The following GOLGB1 variants were observed in gnomAD, a reference collection of about 807,000 sequenced individuals.
The protein encoded by GOLGB1 is golgin B1, also known as golgin subfamily B member 1.
In GOLGB1, 174 loss-of-function variants were observed where a neutral mutation model predicts 336.9. The ratio of observed to expected loss-of-function variants is 0.52; its 90% CI spans 0.46 to 0.59. The LOEUF is 0.59. Ranked by LOEUF, GOLGB1 falls within the 20% of genes least tolerant of loss-of-function variation. GOLGB1 has a pLI of 0.00. For missense variants in GOLGB1, 3,331 were observed against 3,645.3 expected (o/e 0.91, Z 2.22); for synonymous variants, 1,208 against 1,289.2 (o/e 0.94, Z 1.35).
chr3:121,707,225 C>CAAAAAAAAAAAAAAAAAACAA (rs554313106), intron 10 of GOLGB1, among the ~76,000 whole-genome samples: 2 of 93,666 alleles, frequency 2.1e-5, no homozygotes, highest in East Asian at 2.9e-4. Context: ...GACTCCATCT[C>CAAAAAAAAAAAAAAAAAACAA]AAAAAAAAAA....
intron 14 of GOLGB1, among the ~76,000 whole-genome samples, chr3:121,682,246 G>A (rs193132927): frequency 6.6e-5 from 10 of 152,182 alleles, no homozygotes; most frequent in African/African-American, 1.9e-4. Flanking sequence ...CCTTGTTAGG[G>A]TTCTTAACTT....
At chr3:121,689,017 G>A (rs1942116456) in intron 14 of GOLGB1, among the ~76,000 whole-genome samples, 2 of 150,660 alleles carry the variant, frequency 1.3e-5, no homozygotes, top group Admixed American at 6.6e-5. Flanking sequence ...AGGGAGGTGG[G>A]GGGGTCAGCC....
intron 17 of GOLGB1, among the ~76,000 whole-genome samples, chr3:121,674,718 T>G (rs1940077580): frequency 6.6e-6 from 1 of 152,146 alleles, no homozygotes; most frequent in African/African-American, 2.4e-5. Flanking sequence ...GCTAAGCTCA[T>G]GAAGGAATAT....
At chr3:121,734,258 C>G (rs753319832) in intron 1 of GOLGB1, among the ~76,000 whole-genome samples, 1 of 151,874 alleles carries the variant, frequency 6.6e-6, no homozygotes, top group Non-Finnish European at 1.5e-5. Context: ...GGCATGATGG[C>G]GCATGCCTGT....
chr3:121,696,022 G>A lies in GOLGB1; in HGVS notation c.4501C>T (p.Leu1501=), dbSNP rs1419351308. The A allele has an allele frequency of 3.1e-6, 5 of 1,613,912 alleles. No individual in the cohort carries two copies. The highest frequency in any genetic ancestry group is 4.2e-6 in the Non-Finnish European group (5 of 1,180,002). Reference sequence around the variant, plus strand: ...TCTTGGAGACTTTTGTTTTCTTTTAGTGCTTCTTTTCGGGAAATAAGGGCA... The same window carrying A: ...TCTTGGAGACTTTTGTTTTCTTTTAATGCTTCTTTTCGGGAAATAAGGGCA... The part of the protein sequence containing the change: ...QAALISRKEA[L]KENKSLQEEL... Residue 1501 remains leucine, a synonymous_variant, in exon 13 of 22, where the codon CTA becomes TTA. Transcript: ENST00000614479.
intron 17 of GOLGB1, among the ~76,000 whole-genome samples, chr3:121,671,839 C>CT: frequency 6.6e-6 from 1 of 151,248 alleles, no homozygotes; most frequent in Non-Finnish European, 1.5e-5. Flanking sequence ...AATGCACTCT[C>CT]TATCTTCATG....
In GOLGB1 at chr3:121,695,715, A is replaced by G. The variant is rs1282255319; in HGVS notation, c.4808T>C (p.Ile1603Thr). 1.1e-5 allele frequency: 18 copies of G among 1,611,394 alleles called. No individual in the cohort carries two copies. The highest frequency in any genetic ancestry group is 2.2e-5 in the East Asian group (1 of 44,886). Residue 1603 changes from isoleucine (I) to threonine (T), a missense_variant, in exon 13 of 22, where the codon ATT becomes ACT. Physicochemically the swap from Ile to Thr is moderately conservative, Grantham distance 89 (BLOSUM62 -1). Transcript: ENST00000614479. ...CTCTTGCCACTCAGTACTTTCTGCA[A>G]TCTTAGAAGATTTCAAAGATTCAAT... is the stretch of plus-strand genomic sequence containing the variant. ...KEIESLKSSK[I>T]AESTEWQEKH...
At chr3:121,730,995 A>C in intron 1 of GOLGB1, 22 bp from the exon 2 acceptor site, 3 of 1,605,126 alleles carry the variant, frequency 1.9e-6, no homozygotes, top group Non-Finnish European at 2.5e-6. Flanking sequence ...GAAGGGGGGA[A>C]AAAACCTAAG....
In GOLGB1 at chr3:121,734,408, A is replaced by AC. The variant is rs1382488912; in HGVS notation, c.-2-3436_-2-3435insG. ...CTGTCTCGGGAAAAAAAAAAAAAAA[A>AC]AAACAAGTCATAGATTAGGAGAAAA... On this transcript the variant is annotated intron_variant, in intron 1 of 21. Transcript: ENST00000614479. 4.6e-5 allele frequency among the ~76,000 whole-genome samples: 7 copies of AC among 151,746 alleles called. No homozygotes were observed. In the East Asian group the frequency reaches 1.2e-3, roughly 25 times the overall value.
rs1409161991 is a variant in GOLGB1 at position 121,727,291 on chromosome 3, CACATATATATATATATATATAT to C, written c.403-272_403-251del. 5.5e-3 allele frequency among the ~76,000 whole-genome samples: 281 copies of C among 51,116 alleles called. 4 individuals carry two copies. Among genetic ancestry groups the C allele is most frequent in the Non-Finnish European group, 8.5e-3 (221 of 26,068 alleles). The allele number at this position is 51,116 out of a possible 152,430, so 33.5% of individuals were successfully genotyped here. On this transcript the variant is annotated intron_variant, in intron 4 of 21. Transcript: ENST00000614479. The stretch of plus-strand genomic sequence containing the variant: ...AAACTGTGAAATACATACACACACA[CACATATATATATATATATATAT>C]ATATATATTTTTTTTTTTTTTTTTT...
intron 10 of GOLGB1, among the ~76,000 whole-genome samples, chr3:121,711,057 G>A (rs1159680067): frequency 1.3e-5 from 2 of 151,912 alleles, no homozygotes; most frequent in Admixed American, 1.3e-4. Context: ...AGCCGGGGGT[G>A]TTGGTGGACA....
At position 121,697,704 on chromosome 3, in the gene GOLGB1, A is replaced by G. The variant is rs757167587; in HGVS notation, c.2819T>C (p.Leu940Pro). 7 of 1,613,686 alleles carry G rather than the reference A, an allele frequency of 4.3e-6. No homozygotes were observed. The East Asian group carries it at 1.6e-4, about 36-fold the overall frequency. ...GVEIKTLKEQLNLLSRAEEAK... is the reference protein window; with the variant it reads ...GVEIKTLKEQPNLLSRAEEAK... The stretch of plus-strand genomic sequence containing the variant: ...TTCCTCAGCTCTGGATAATAAATTT[A>G]GCTGTTCTTTAAGAGTCTTAATTTC... Residue 940 changes from leucine (L) to proline (P), a missense_variant, in exon 13 of 22, where the codon CTA (leucine) becomes CCA (proline). Leu to Pro is a moderately conservative substitution (Grantham distance 98). Coordinates refer to ENST00000614479, the MANE Select transcript of GOLGB1 (RefSeq NM_001366282.2).
chr3:121,667,937 C>T, intron 19 of GOLGB1, 124 bp downstream of exon 19: 1 of 590,804 alleles, frequency 1.7e-6, no homozygotes, highest in Middle Eastern at 2.8e-4. Flanking sequence ...CACATCACTT[C>T]TGTGAGGCTA....
chr3:121,666,627 C>T (rs1285794371), intron 20 of GOLGB1, among the ~76,000 whole-genome samples: 1 of 152,162 alleles, frequency 6.6e-6, no homozygotes, highest in Non-Finnish European at 1.5e-5. Flanking sequence ...GTAAGACCTG[C>T]TCAATGGGGC....
In GOLGB1 at chr3:121,698,160, T is replaced by A. The variant is rs763182434; in HGVS notation, c.2363A>T (p.Asp788Val). 6.2e-7 allele frequency: 1 copy of A among 1,613,666 alleles called. No homozygotes were observed. Among genetic ancestry groups the A allele is most frequent in the African/African-American group, 1.3e-5 (1 of 74,922 alleles). ...GTCATGGGCAGTTTGGCTTTCATAA[T>A]CAAGTCTTCTTTGCCTTTCTGCTTC... The part of the protein sequence containing the change: ...LAEAERQRRL[D>V]YESQTAHDNL... The change falls in exon 13 of 22, where the codon GAT becomes GTT. Residue 788 changes from aspartate to valine, a missense_variant. Coordinates refer to ENST00000614479, the MANE Select transcript of GOLGB1 (RefSeq NM_001366282.2).
intron 1 of GOLGB1, among the ~76,000 whole-genome samples, chr3:121,747,358 C>A (rs1490709094): frequency 7.3e-6 from 1 of 136,078 alleles, no homozygotes; most frequent in South Asian, 2.3e-4. Context: ...TGTGTATATA[C>A]GTATATATAC....
In GOLGB1 at chr3:121,696,139, G is replaced by A; in HGVS notation, c.4384C>T (p.Leu1462=). The A allele has an allele frequency of 6.2e-7, 1 of 1,614,032 alleles. No homozygotes were observed. The highest frequency in any genetic ancestry group is 1.1e-5 in the South Asian group (1 of 91,070). Reference sequence around the variant, plus strand: ...TTCATTTCACAAAGTTCCACCTGTAGCTGCTTTATCCTCTCATCATGCTCT... The same window carrying A: ...TTCATTTCACAAAGTTCCACCTGTAACTGCTTTATCCTCTCATCATGCTCT... ...AKEHDERIKQ[L]QVELCEMKQK... The change falls in exon 13 of 22, where the codon CTA becomes TTA. Residue 1462 remains leucine, a synonymous_variant. Transcript: ENST00000614479.
At position 121,697,214 on chromosome 3, in the gene GOLGB1, A is replaced by G; in HGVS notation, c.3309T>C (p.Asn1103=). 3 of 1,614,066 alleles carry G rather than the reference A, an allele frequency of 1.9e-6. No individual in the cohort carries two copies. The highest frequency in any genetic ancestry group is 2.5e-6 in the Non-Finnish European group (3 of 1,179,994). Residue 1103 remains asparagine (N), a synonymous_variant, in exon 13 of 22, where the codon AAT becomes AAC. Coordinates refer to ENST00000614479, the MANE Select transcript of GOLGB1 (RefSeq NM_001366282.2). ...GGTTTGTTTTATCTTGCAAGGTCTG[A>G]TTCATCTGTTTGACCAGAGCCTGGA... is the stretch of plus-strand genomic sequence containing the variant. ...EQFQALVKQM[N]QTLQDKTNQI...
At chr3:121,703,643 G>C (rs1178514755) in intron 10 of GOLGB1, among the ~76,000 whole-genome samples, 1 of 152,064 alleles carries the variant, frequency 6.6e-6, no homozygotes, top group Non-Finnish European at 1.5e-5. Flanking sequence ...CAGAGTTTGG[G>C]GTTTGAGTCC....
Sources: gnomAD v4.1 joint callset for allele counts (sites outside exome capture counted in the v4.1 genomes callset) on GRCh38, gnomAD v4.1.1 for gene constraint, MANE v1.5 for transcripts, NCBI Gene and HGNC (gene_info 2026-07-23, HGNC 2026-07-21) for gene names.